The following RRM2 variants were observed in gnomAD, a reference collection of about 807,000 sequenced individuals.
RRM2 encodes ribonucleoside-diphosphate reductase subunit M2.
In RRM2, 6 loss-of-function variants were observed where a neutral mutation model predicts 45.9. That is an observed-to-expected ratio of 0.13 (90% CI 0.07 to 0.26). The LOEUF is 0.26. Among genes scored for constraint, RRM2 ranks in the 10% least tolerant of loss-of-function variants. The pLI is 1.00. For synonymous variants in RRM2, 177 were observed against 173.0 expected, an observed-to-expected ratio of 1.02 and a Z score of -0.18; for missense variants, 343 against 489.5, an observed-to-expected ratio of 0.70 and a Z score of 2.82.
At chr2:10,200,542 T>G (rs7558710) in intron 3 of RRM2, among the ~76,000 whole-genome samples, 566 of 1,730 alleles carry the variant, frequency 0.33, 134 homozygotes, top group Non-Finnish European at 0.41. Context: ...AAATTATGAG[T>G]CCCACAGGGA....
In RRM2 at chr2:10,171,733, T is replaced by C. The variant is rs946988790; in HGVS notation, n.482+29358T>C. 1.3e-5 allele frequency among the ~76,000 whole-genome samples: 2 copies of C among 152,196 alleles called. No homozygotes were observed. The highest frequency in any genetic ancestry group is 2.9e-5 in the Non-Finnish European group (2 of 68,028). ...GCCGGGCAGAGGCAGGAATGAATCCTACTCAGCTGCAGAATAGTCACAGAC... is the reference window on the plus strand; with the variant it reads ...GCCGGGCAGAGGCAGGAATGAATCCCACTCAGCTGCAGAATAGTCACAGAC... On this transcript the variant is annotated intron_variant and non_coding_transcript_variant, in intron 3 of 3. Transcript: ENST00000381786. This position sits in a 1 kb window ranked among gnomAD's most constrained non-coding sequence, Gnocchi z 4.1.
chr2:10,144,293 A>T (rs1663145781), intron 3 of RRM2, among the ~76,000 whole-genome samples: 2 of 152,208 alleles, frequency 1.3e-5, no homozygotes, highest in Non-Finnish European at 2.9e-5. Flanking sequence ...AAGGTCAGAG[A>T]CGAGGTCTCA....
chr2:10,181,604 T>C (rs1406071038), intron 3 of RRM2, among the ~76,000 whole-genome samples: 1 of 152,092 alleles, frequency 6.6e-6, no homozygotes, highest in Non-Finnish European at 1.5e-5. Flanking sequence ...GAAATTTCCC[T>C]CTGAGTACTG....
intron 3 of RRM2, among the ~76,000 whole-genome samples, chr2:10,150,948 G>A (rs947760235): frequency 2.0e-5 from 3 of 151,874 alleles, no homozygotes; most frequent in African/African-American, 7.3e-5. Flanking sequence ...CAAGTAGCTG[G>A]GATTACAGGT....
At chr2:10,162,292 G>A (rs1013159471) in intron 3 of RRM2, among the ~76,000 whole-genome samples, 36 of 152,194 alleles carry the variant, frequency 2.4e-4, no homozygotes, top group Admixed American at 6.5e-5. Context: ...GATTCTCTCA[G>A]TCAATCAAAA....
At chr2:10,142,037 G>A in intron 2 of RRM2, 1 of 1,586,482 alleles carries the variant, frequency 6.3e-7, no homozygotes, top group Non-Finnish European at 8.6e-7. Context: ...TTCATGTGGG[G>A]AGCCAGAGGG....
intron 7 of RRM2, among the ~76,000 whole-genome samples, chr2:10,128,452 T>C (rs1402150170): frequency 6.6e-6 from 1 of 152,234 alleles, no homozygotes; most frequent in Non-Finnish European, 1.5e-5. Flanking sequence ...TGAAATTGCA[T>C]ACAAATTTCC....
chr2:10,135,517 A>G (rs1012576712), downstream of RRM2, among the ~76,000 whole-genome samples: 2 of 151,996 alleles, frequency 1.3e-5, no homozygotes, highest in African/African-American at 4.8e-5. Flanking sequence ...CGGGTGTGGG[A>G]TGTGTTGCAG....
chr2:10,171,262 G>A lies in RRM2; in HGVS notation n.482+28887G>A, dbSNP rs1011303690. ...AGCTCTGCCCCCTGGGCTGTCAGGA[G>A]GATTAAATGAGATAAGACAAACACA... On this transcript the variant is annotated intron_variant and non_coding_transcript_variant, in intron 3 of 3. Transcript: ENST00000381786. This position sits in a 1 kb window ranked among gnomAD's most constrained non-coding sequence, Gnocchi z 4.1. Among the ~76,000 whole-genome samples the A allele has an allele frequency of 7.2e-5, 11 of 152,250 alleles. No individual in the cohort carries two copies. The highest frequency in any genetic ancestry group is 1.0e-4 in the Non-Finnish European group (7 of 68,050).
upstream of RRM2, among the ~76,000 whole-genome samples, chr2:10,136,494 TGCGGGTG>T (rs1662991803): frequency 6.6e-6 from 1 of 151,984 alleles, no homozygotes; most frequent in East Asian, 1.9e-4. Flanking sequence ...TTATCAGAGG[TGCGGGTG>T]GCTAGTGCCT....
chr2:10,181,991 C>T (rs943534900), intron 3 of RRM2, among the ~76,000 whole-genome samples: 2 of 151,936 alleles, frequency 1.3e-5, no homozygotes, highest in Non-Finnish European at 2.9e-5. Context: ...GTCTTGAACT[C>T]GTAGGTTCAA....
chr2:10,206,258 A>AAAAT (rs1384727840), intron 3 of RRM2, among the ~76,000 whole-genome samples: 1 of 151,938 alleles, frequency 6.6e-6, no homozygotes, highest in Non-Finnish European at 1.5e-5. Flanking sequence ...AAAAAAAAAA[A>AAAAT]AAAAGTTAAA....
chr2:10,181,761 T>C (rs1191317532), intron 3 of RRM2, among the ~76,000 whole-genome samples: 1 of 87,114 alleles, frequency 1.1e-5, no homozygotes, highest in Non-Finnish European at 2.1e-5. Flanking sequence ...TCTCTTTTTT[T>C]TTTTTTTTTT....
intron 3 of RRM2, among the ~76,000 whole-genome samples, chr2:10,181,710 AT>A (rs2125325664): frequency 7.4e-6 from 1 of 135,090 alleles, no homozygotes; most frequent in South Asian, 2.7e-4. Context: ...TCCAGGTGGG[AT>A]TGTGCTCAAT....
Position 10,172,997 on chromosome 2 carries a change from G to A in RRM2, n.482+30622G>A, listed in dbSNP as rs1663834427. Reference sequence around the variant, plus strand: ...TCTTCCTTGTCTGTCCTCTCCTGCCGCCTCCATTCAACTTTCTCCCTTCTT... The same window carrying A: ...TCTTCCTTGTCTGTCCTCTCCTGCCACCTCCATTCAACTTTCTCCCTTCTT... On this transcript the variant is annotated intron_variant and non_coding_transcript_variant, in intron 3 of 3. Coordinates refer to the RRM2 transcript ENST00000381786. The surrounding 1 kb of genome is among the most constrained non-coding windows in gnomAD (Gnocchi z 4.9). Among the ~76,000 whole-genome samples the A allele has an allele frequency of 4.6e-5, 7 of 152,110 alleles. No individual in the cohort carries two copies. Among genetic ancestry groups the A allele is most frequent in the Admixed American group, 2.0e-4 (3 of 15,264 alleles).
intron 3 of RRM2, among the ~76,000 whole-genome samples, chr2:10,150,520 T>C (rs1663285626): frequency 6.6e-6 from 1 of 151,694 alleles, no homozygotes; most frequent in Non-Finnish European, 1.5e-5. Context: ...ATTTTTTTTT[T>C]TCGACTTTAT....
chr2:10,191,034 C>G (rs140693599), intron 3 of RRM2, among the ~76,000 whole-genome samples: 1 of 152,206 alleles, frequency 6.6e-6, no homozygotes, highest in Non-Finnish European at 1.5e-5. Flanking sequence ...AAAGAACAAA[C>G]CACTGGGCTT....
rs748663501 is a variant in RRM2, at chr2:10,129,368, C to T, written c.1152C>T (p.Thr384=). The change falls in exon 10 of 10, where the codon ACC becomes ACT. Residue 384 remains threonine (T), a synonymous_variant. Transcript: ENST00000304567. This position sits in a 1 kb window ranked among gnomAD's most constrained non-coding sequence, Gnocchi z 4.8. ...CAAGTCCAACAGAGAATTCTTTTAC[C>T]TTGGATGCTGACTTCTAAATGAACT... is the stretch of plus-strand genomic sequence containing the variant. ...VMSSPTENSF[T]LDADF is the part of the protein sequence containing the mutation. The T allele has an allele frequency of 1.2e-6, 2 of 1,611,294 alleles. No individual in the cohort carries two copies. Among genetic ancestry groups the T allele is most frequent in the Admixed American group, 3.4e-5 (2 of 59,348 alleles).
chr2:10,194,889 C>A (rs948303350), intron 3 of RRM2, among the ~76,000 whole-genome samples: 1 of 152,224 alleles, frequency 6.6e-6, no homozygotes, highest in African/African-American at 2.4e-5. Context: ...AGTTCCATTT[C>A]TGAGGCTGCC....
Sources: allele counts gnomAD v4.1 joint callset (sites outside exome capture counted in the v4.1 genomes callset), GRCh38; gene constraint gnomAD v4.1.1; non-coding constraint Gnocchi (gnomAD v3.1); transcripts MANE v1.5; gene names NCBI Gene and HGNC (gene_info 2026-07-23, HGNC 2026-07-21).